CEP128: variants seen among roughly 807,000 people sequenced by gnomAD.
The protein encoded by CEP128 is centrosomal protein 128, also known as centrosomal protein 128kDa.
CEP128 carries 132 observed loss-of-function variants against 156.7 expected under a neutral mutation model. That is an observed-to-expected ratio of 0.84 (90% CI 0.73 to 0.97). The LOEUF is 0.97. CEP128 is among the 50% of genes least tolerant of loss of function. CEP128 has a pLI of 0.00. For missense variants in CEP128, 1,252 were observed against 1,281.9 expected (o/e 0.98, Z 0.36); for synonymous variants, 469 against 448.9 (o/e 1.04, Z -0.57).
intron 10 of CEP128, among the ~76,000 whole-genome samples, 182 bp from the exon 11 acceptor site, chr14:80,838,460 C>T (rs540560339): frequency 5.9e-5 from 9 of 152,012 alleles, no homozygotes; most frequent in Non-Finnish European, 1.2e-4. Context: ...TAATGTGAAT[C>T]GTATAACATA....
chr14:80,696,776 A>C (rs775452749), intron 19 of CEP128, among the ~76,000 whole-genome samples: 25 of 152,192 alleles, frequency 1.6e-4, no homozygotes, highest in Non-Finnish European at 2.9e-4. Context: ...TTAAACAAAC[A>C]AACAAAAAAT....
intron 19 of CEP128, among the ~76,000 whole-genome samples, chr14:80,618,409 C>A (rs1893320368): frequency 6.6e-6 from 1 of 152,198 alleles, no homozygotes; most frequent in African/African-American, 2.4e-5. Flanking sequence ...TTAGCTAAGG[C>A]CTTCTGGCAA....
intron 13 of CEP128, among the ~76,000 whole-genome samples, chr14:80,799,177 G>T (rs1005011937): frequency 6.6e-6 from 1 of 152,196 alleles, no homozygotes; most frequent in Non-Finnish European, 1.5e-5. Flanking sequence ...CCAAAGCAAC[G>T]TTGTTGCCGG....
chr14:80,959,139 T>A (rs1167498013), intron 1 of CEP128, among the ~76,000 whole-genome samples: 2 of 152,106 alleles, frequency 1.3e-5, no homozygotes, highest in Admixed American at 1.3e-4. Context: ...ACTGAAGAAG[T>A]GATGCTGTAT....
At chr14:80,512,572 G>A (rs1020983496) in intron 23 of CEP128, among the ~76,000 whole-genome samples, 1 of 151,650 alleles carries the variant, frequency 6.6e-6, no homozygotes. Flanking sequence ...GGAGAATTTA[G>A]TCTATTTACA....
At chr14:80,647,052 T>C (rs1894677078) in intron 19 of CEP128, among the ~76,000 whole-genome samples, 4 of 4,626 alleles carry the variant, frequency 8.6e-4, no homozygotes, top group African/African-American at 3.8e-3. Context: ...TATATATATA[T>C]ATATATATAT....
At chr14:80,716,256 G>A (rs1274988487) in intron 19 of CEP128, among the ~76,000 whole-genome samples, 5 of 152,124 alleles carry the variant, frequency 3.3e-5, no homozygotes, top group Admixed American at 3.3e-4. Flanking sequence ...CATTTAAAGT[G>A]TACAACCTGA....
chr14:80,838,154 C>T, intron 11 of CEP128, 50 bp downstream of exon 11: 1 of 1,275,058 alleles, frequency 7.8e-7, no homozygotes, highest in East Asian at 2.3e-5. Context: ...TAGAGCTACT[C>T]AATCCTGATT....
intron 19 of CEP128, among the ~76,000 whole-genome samples, chr14:80,732,077 C>T (rs1268649663): frequency 2.0e-5 from 3 of 152,060 alleles, no homozygotes; most frequent in Admixed American, 2.0e-4. Context: ...TATCCACCTG[C>T]CCCCATACAC....
chr14:80,826,892 T>C lies in CEP128; in HGVS notation c.1209+4251A>G, dbSNP rs1740011108. Among the ~76,000 whole-genome samples the C allele has an allele frequency of 4.6e-5, 7 of 152,318 alleles. No homozygotes were observed. In the South Asian group the frequency reaches 1.5e-3, roughly 32 times the overall value. On this transcript the variant is annotated intron_variant, in intron 13 of 24. Coordinates refer to ENST00000555265, the MANE Select transcript of CEP128 (RefSeq NM_152446.5). Reference sequence around the variant, plus strand: ...ACTGATCAAGGATGCTTAGAATTCTTATGAATACAAATAGGCTATCAAGGT... The same window carrying C: ...ACTGATCAAGGATGCTTAGAATTCTCATGAATACAAATAGGCTATCAAGGT...
intron 19 of CEP128, among the ~76,000 whole-genome samples, chr14:80,587,432 G>A (rs1053257641): frequency 6.6e-6 from 1 of 152,162 alleles, no homozygotes; most frequent in Admixed American, 6.5e-5. Flanking sequence ...TCTGTCTTGG[G>A]TATGTGGTAA....
chr14:80,530,170 G>T (rs973548967), intron 22 of CEP128, among the ~76,000 whole-genome samples: 3 of 152,206 alleles, frequency 2.0e-5, no homozygotes, highest in African/African-American at 4.8e-5. Context: ...TGCATCTGCA[G>T]CCCTAAGGCT....
chr14:80,937,369 T>A (rs1307681463), intron 2 of CEP128, among the ~76,000 whole-genome samples: 2 of 152,146 alleles, frequency 1.3e-5, no homozygotes, highest in South Asian at 2.1e-4. Flanking sequence ...TCTATTTCTA[T>A]GACTATTAAC....
At chr14:80,617,206 A>G (rs1893249901) in intron 19 of CEP128, among the ~76,000 whole-genome samples, 1 of 121,820 alleles carries the variant, frequency 8.2e-6, no homozygotes, top group Non-Finnish European at 1.7e-5. Context: ...CACTTAACCT[A>G]TGTGAATATC....
chr14:80,916,516 A>T lies in CEP128; in HGVS notation c.32T>A (p.Phe11Tyr). 6.2e-7 allele frequency: 1 copy of T among 1,614,016 alleles called. No homozygotes were observed. The highest frequency in any genetic ancestry group is 8.5e-7 in the Non-Finnish European group (1 of 1,179,906). ...TGGACTCAATCGGTCACGACAGCGG[A>T]AGTGATCTGATTCGCTGGATGATTC... MAESSSESDH[F>Y]RCRDRLSPWA... The change falls in exon 3 of 25, where the codon TTC becomes TAC. Residue 11 changes from phenylalanine to tyrosine, a missense_variant. Phe to Tyr is a conservative substitution (Grantham distance 22, BLOSUM62 3). Transcript: ENST00000555265.
Position 80,797,109 on chromosome 14 carries a change from A to G in CEP128, c.1210-3999T>C, listed in dbSNP as rs186155596. ...TTTATAATGGGCCCAAGAGTATACC[A>G]AATTCTTTGGATTTCTCCAGCAACT... On this transcript the variant is annotated intron_variant, in intron 13 of 24. Coordinates refer to ENST00000555265, the MANE Select transcript of CEP128 (RefSeq NM_152446.5). 5.7e-4 allele frequency among the ~76,000 whole-genome samples: 87 copies of G among 152,290 alleles called. 1 individual carries two copies. In the South Asian group the frequency reaches 9.9e-3, roughly 17 times the overall value.
intron 21 of CEP128, among the ~76,000 whole-genome samples, chr14:80,532,852 T>A (rs116627289): frequency 0.032 from 4,846 of 152,278 alleles, 106 homozygotes; most frequent in Middle Eastern, 0.1. Context: ...TGTAATGAGA[T>A]TTTTGAGAAG....
In CEP128 at chr14:80,743,170, T is replaced by A. The variant is rs1423387250; in HGVS notation, c.2711A>T (p.Asn904Ile). The A allele has an allele frequency of 6.2e-7, 1 of 1,613,798 alleles. No individual in the cohort carries two copies. Among genetic ancestry groups the A allele is most frequent in the Admixed American group, 1.7e-5 (1 of 59,964 alleles). The part of the protein sequence containing the change: ...QLMLCRQQLR[N>I]LTENKESELQ... ...CTCAGATTCCTTGTTTTCAGTCAAA[T>A]TCCTGAGTTGTTGTCTGCAGAGCAT... Residue 904 changes from asparagine (N) to isoleucine (I), a missense_variant, in exon 19 of 25, where the codon AAT becomes ATT. Transcript: ENST00000555265.
intron 2 of CEP128, among the ~76,000 whole-genome samples, chr14:80,936,442 A>G (rs1885814454): frequency 6.6e-6 from 1 of 152,190 alleles, no homozygotes; most frequent in African/African-American, 2.4e-5. Context: ...GAGGGATGGG[A>G]AAATGTTTAT....
Sources: gnomAD v4.1 joint callset for allele counts (sites outside exome capture counted in the v4.1 genomes callset) on GRCh38, gnomAD v4.1.1 for gene constraint, MANE v1.5 for transcripts, NCBI Gene and HGNC (gene_info 2026-07-23, HGNC 2026-07-21) for gene names.